The following TAX1BP1 variants were observed in gnomAD, a reference collection of about 807,000 sequenced individuals.
TAX1BP1 encodes the protein Tax1 binding protein 1, also known as tax1-binding protein 1.
Under a neutral mutation model 97.7 loss-of-function variants are expected in TAX1BP1, and 62 were observed. The observed-to-expected ratio is 0.63, with a 90% confidence interval of 0.52 to 0.78. The LOEUF (loss-of-function observed/expected upper bound fraction) is 0.78. Ranked by LOEUF, TAX1BP1 falls within the 30% of genes least tolerant of loss-of-function variation. The pLI is 0.00. For synonymous variants in TAX1BP1, 340 were observed against 304.2 expected (o/e 1.12, Z -1.23); for missense variants, 867 against 916.1 (o/e 0.95, Z 0.69).
chr7:27,739,881 A>T (rs1441813324), upstream of TAX1BP1: 1 of 152,314 alleles, frequency 6.6e-6, no homozygotes. Flanking sequence ...GAGTTACTTA[A>T]ACCTCCTGTG....
At chr7:27,749,360 A>G (rs1787940916) in intron 2 of TAX1BP1, among the ~76,000 whole-genome samples, 1 of 152,222 alleles carries the variant, frequency 6.6e-6, no homozygotes, top group Admixed American at 6.5e-5. Context: ...TGAGCAGTCA[A>G]AATAATGTCA....
intron 7 of TAX1BP1, among the ~76,000 whole-genome samples, chr7:27,787,051 T>A (rs972509204): frequency 6.6e-6 from 1 of 152,158 alleles, no homozygotes; most frequent in African/African-American, 2.4e-5. Flanking sequence ...TTTTCCAGAG[T>A]CTTGTCGTGC....
chr7:27,824,321 G>A (rs1791086399), intron 15 of TAX1BP1, among the ~76,000 whole-genome samples: 1 of 151,872 alleles, frequency 6.6e-6, no homozygotes, highest in Admixed American at 6.6e-5. Flanking sequence ...ATCACTTTTG[G>A]GGAGGCCAAG....
intron 15 of TAX1BP1, among the ~76,000 whole-genome samples, chr7:27,819,411 T>G (rs1790892159): frequency 6.6e-6 from 1 of 152,210 alleles, no homozygotes; most frequent in Non-Finnish European, 1.5e-5. Flanking sequence ...CAAGCCACCT[T>G]CATTTCCTGT....
intron 5 of TAX1BP1, among the ~76,000 whole-genome samples, chr7:27,780,720 A>G (rs996574190): frequency 1.3e-5 from 2 of 152,194 alleles, no homozygotes; most frequent in African/African-American, 4.8e-5. Context: ...GGTGATGATT[A>G]TAACTTATGT....
chr7:27,826,296 A>G (rs370815458), intron 15 of TAX1BP1, among the ~76,000 whole-genome samples: 2 of 152,208 alleles, frequency 1.3e-5, no homozygotes, highest in African/African-American at 2.4e-5. Context: ...GTTATATCCT[A>G]TGGGACTCAC....
intron 13 of TAX1BP1, among the ~76,000 whole-genome samples, chr7:27,813,231 GC>G (rs1481173883): frequency 7.0e-6 from 1 of 142,202 alleles, no homozygotes; most frequent in African/African-American, 2.6e-5. Context: ...GTAGTTCACT[GC>G]AGCCTTGACC....
intron 2 of TAX1BP1, among the ~76,000 whole-genome samples, chr7:27,752,548 A>G (rs1202340261): frequency 1.3e-5 from 2 of 152,216 alleles, no homozygotes; most frequent in African/African-American, 2.4e-5. Flanking sequence ...GGTTTTGAGT[A>G]CATTATTGAA....
At chr7:27,744,330 T>A (rs549169941) in intron 1 of TAX1BP1, among the ~76,000 whole-genome samples, 29 of 152,224 alleles carry the variant, frequency 1.9e-4, no homozygotes, top group Non-Finnish European at 1.5e-5. Flanking sequence ...TTTCACCGTG[T>A]TAGCCAGGAT....
Position 27,753,283 on chromosome 7 carries a change from G to A in TAX1BP1, c.162+4597G>A, listed in dbSNP as rs1012982079. On this transcript the variant is annotated intron_variant, in intron 2 of 16. Coordinates refer to ENST00000396319, the MANE Select transcript of TAX1BP1 (RefSeq NM_006024.7). The stretch of plus-strand genomic sequence containing the variant: ...CCACTGCACTCCAGCCTGGGCGACA[G>A]AGCGAGACTCCGTCTCAAATAAAAA... Among the ~76,000 whole-genome samples, 33 of 151,920 alleles carry A rather than the reference G, an allele frequency of 2.2e-4. 1 individual carries two copies. The highest frequency in any genetic ancestry group is 7.7e-4 in the African/African-American group (32 of 41,362).
At position 27,792,088 on chromosome 7, in the gene TAX1BP1, C is replaced by T; in HGVS notation, c.1121C>T (p.Ala374Val). The stretch of plus-strand genomic sequence containing the variant: ...ACTCGGCAAGAAGTTGTCTTTCTGG[C>T]TAAAGAACTCAGTGATGCTGTCAAC... ...QATRQEVVFL[A>V]KELSDAVNVR... Residue 374 changes from alanine (A) to valine (V), a missense_variant, in exon 9 of 17, where the codon GCT becomes GTT. Coordinates refer to ENST00000396319, the MANE Select transcript of TAX1BP1 (RefSeq NM_006024.7). 2 of 1,614,070 alleles carry T rather than the reference C, an allele frequency of 1.2e-6. No individual in the cohort carries two copies. Among genetic ancestry groups the T allele is most frequent in the Non-Finnish European group, 1.7e-6 (2 of 1,180,016 alleles).
rs536336795 is a variant in TAX1BP1, at chr7:27,767,228, G to T, written c.453+1207G>T. The stretch of plus-strand genomic sequence containing the variant: ...AATAAGAAAAATAGTTTCTCAAATT[G>T]GTTCAGTATACATTTTTGGCTAATT... On this transcript the variant is annotated intron_variant, in intron 4 of 16. Transcript: ENST00000396319. Among the ~76,000 whole-genome samples, 19 of 152,060 alleles carry T rather than the reference G, an allele frequency of 1.2e-4. No homozygotes were observed. The East Asian group carries it at 3.5e-3, about 28-fold the overall frequency.
At chr7:27,786,382 A>C (rs990420934) in intron 7 of TAX1BP1, among the ~76,000 whole-genome samples, 4 of 152,092 alleles carry the variant, frequency 2.6e-5, no homozygotes, top group African/African-American at 9.7e-5. Flanking sequence ...CAGCCTCCCA[A>C]AGTGCTGGGA....
intron 9 of TAX1BP1, 53 bp downstream of exon 9, chr7:27,792,283 C>T: frequency 6.9e-7 from 1 of 1,447,888 alleles, no homozygotes; most frequent in Non-Finnish European, 9.5e-7. Context: ...CCACTATAAT[C>T]TCACAAAGTA....
chr7:27,799,949 T>C lies in TAX1BP1; in HGVS notation c.1639-16T>C, dbSNP rs1200740824. ...TGAATTTAAAATCTTTTGGTAATTA[T>C]ACTAATTTCATTTAGGATGAGAAAG... On this transcript the variant is annotated splice_polypyrimidine_tract_variant and intron_variant, in intron 12 of 16. Transcript: ENST00000396319. The C allele has an allele frequency of 2.5e-6, 4 of 1,579,502 alleles. No individual in the cohort carries two copies. Among genetic ancestry groups the C allele is most frequent in the Non-Finnish European group, 3.4e-6 (4 of 1,163,648 alleles).
At chr7:27,827,420 A>G (rs1019764827) in intron 15 of TAX1BP1, among the ~76,000 whole-genome samples, 1 of 151,954 alleles carries the variant, frequency 6.6e-6, no homozygotes, top group South Asian at 2.1e-4. Flanking sequence ...AAAGTTACCT[A>G]CGTATATAGG....
chr7:27,743,421 A>G (rs1393717996), intron 1 of TAX1BP1, among the ~76,000 whole-genome samples: 1 of 152,230 alleles, frequency 6.6e-6, no homozygotes, highest in Admixed American at 6.5e-5. Flanking sequence ...AGATAATTCT[A>G]AAGGTTTTTT....
chr7:27,779,552 T>C (rs191086166), intron 5 of TAX1BP1, among the ~76,000 whole-genome samples: 1 of 152,368 alleles, frequency 6.6e-6, no homozygotes, highest in East Asian at 1.9e-4. Context: ...TGATCAGTGA[T>C]GCATATCTTA....
At chr7:27,784,673 A>G (rs1199263788) in intron 5 of TAX1BP1, among the ~76,000 whole-genome samples, 1 of 152,134 alleles carries the variant, frequency 6.6e-6, no homozygotes, top group Non-Finnish European at 1.5e-5. Flanking sequence ...TACAGGGTAC[A>G]TGAAAAGTCT....
Sources: gnomAD v4.1 joint callset for allele counts (sites outside exome capture counted in the v4.1 genomes callset) on GRCh38, gnomAD v4.1.1 for gene constraint, MANE v1.5 for transcripts, NCBI Gene and HGNC (gene_info 2026-07-23, HGNC 2026-07-21) for gene names.